Variants in CD200R1L observed in about 807,000 individuals in gnomAD.
CD200R1L encodes cell surface glycoprotein CD200 receptor 2.
A neutral mutation model predicts 24.8 loss-of-function variants in CD200R1L; 14 were observed. The observed-to-expected ratio is 0.56, with a 90% CI of 0.37 to 0.88. The LOEUF is 0.88. CD200R1L is among the 40% of genes least tolerant of loss of function. CD200R1L has a pLI of 0.00. For missense variants in CD200R1L, 299 were observed against 297.8 expected (o/e 1.00, Z -0.03); for synonymous variants, 111 against 109.2 (o/e 1.02, Z -0.11).
chr3:112,819,717 A>C, intron 7 of CD200R1L, 55 bp downstream of exon 7: 2 of 1,471,334 alleles, frequency 1.4e-6, no homozygotes, highest in Non-Finnish European at 1.8e-6. Flanking sequence ...AAAATGTTAC[A>C]ATGATACTTT....
At chr3:112,819,726 T>G in intron 7 of CD200R1L, 46 bp downstream of exon 7, 1 of 1,366,870 alleles carries the variant, frequency 7.3e-7, no homozygotes, top group Non-Finnish European at 9.5e-7. Context: ...CAATGATACT[T>G]TTTTTTTTCT....
At chr3:112,841,007 T>TC (rs1216532716) in intron 2 of CD200R1L, among the ~76,000 whole-genome samples, 14 of 152,314 alleles carry the variant, frequency 9.2e-5, no homozygotes, top group African/African-American at 3.4e-4. Context: ...TTAATCCCAA[T>TC]CAGGGATCCG....
At chr3:112,837,824 A>G (rs150452513) in intron 3 of CD200R1L, 118 bp downstream of exon 3, 1 of 216,204 alleles carries the variant, frequency 4.6e-6, no homozygotes, top group Non-Finnish European at 8.8e-6. Context: ...GTCTTCAAGC[A>G]ATAGTGTGCA....
chr3:112,824,035 G>C (rs1576087784), intron 6 of CD200R1L, among the ~76,000 whole-genome samples: 1 of 152,284 alleles, frequency 6.6e-6, no homozygotes, highest in East Asian at 1.9e-4. Flanking sequence ...AACAGTAGAG[G>C]AGATAAATTG....
intron 3 of CD200R1L, among the ~76,000 whole-genome samples, chr3:112,831,990 CATT>C (rs1218633611): frequency 6.6e-6 from 1 of 152,032 alleles, no homozygotes; most frequent in African/African-American, 2.4e-5. Context: ...ACTGTATTAT[CATT>C]ATTATTATTA....
At chr3:112,825,317 T>C (rs555064010) in intron 6 of CD200R1L, among the ~76,000 whole-genome samples, 1 of 150,908 alleles carries the variant, frequency 6.6e-6, no homozygotes, top group Non-Finnish European at 1.5e-5. Context: ...TTAACACTTT[T>C]GAAGAGCCCA....
At chr3:112,829,586 A>G (rs1938747354) in intron 3 of CD200R1L, 3 of 907,252 alleles carry the variant, frequency 3.3e-6, no homozygotes, top group Non-Finnish European at 4.0e-6. Context: ...AATTATACTT[A>G]TAAGCAATTG....
At chr3:112,829,824 G>A (rs1044533854) in intron 3 of CD200R1L, among the ~76,000 whole-genome samples, 2 of 152,164 alleles carry the variant, frequency 1.3e-5, no homozygotes, top group Non-Finnish European at 2.9e-5. Flanking sequence ...CTAAAAGAGT[G>A]AAAGAAATGA....
intron 3 of CD200R1L, among the ~76,000 whole-genome samples, chr3:112,830,284 T>C (rs576547913): frequency 2.7e-4 from 41 of 152,148 alleles, no homozygotes; most frequent in Non-Finnish European, 4.1e-4. Context: ...GAATGAATGT[T>C]GCAGTAATTC....
intron 2 of CD200R1L, 81 bp downstream of exon 2, chr3:112,845,598 A>G: frequency 3.6e-6 from 4 of 1,126,680 alleles, no homozygotes; most frequent in Non-Finnish European, 1.3e-6. Context: ...ACACCTTATA[A>G]GTAAGTAGAT....
At chr3:112,838,474 AAAC>A (rs1939010123) in intron 2 of CD200R1L, among the ~76,000 whole-genome samples, 2 of 92,824 alleles carry the variant, frequency 2.2e-5, no homozygotes, top group African/African-American at 9.6e-5. Context: ...TTTGCAAAAA[AAAC>A]AAACAAACAA....
chr3:112,830,941 G>A (rs1938782721), intron 3 of CD200R1L, among the ~76,000 whole-genome samples: 1 of 152,022 alleles, frequency 6.6e-6, no homozygotes, highest in Admixed American at 6.5e-5. Flanking sequence ...TTTGGAGAAA[G>A]GAGTATAATT....
At position 112,827,668 on chromosome 3, in the gene CD200R1L, A is replaced by T; in HGVS notation, c.66T>A (p.Pro22=). ...TIFAEGNISQ[P]VLMDINAVLC... ...GCACAGCATTTATATCCATCAGTAC[A>T]GGCTGTGAAATGTTACCTGGACACA... Residue 22 remains proline, a synonymous_variant, in exon 5 of 8, where the codon CCT becomes CCA. Transcript: ENST00000488794. The T allele has an allele frequency of 1.2e-6, 2 of 1,613,090 alleles. No homozygotes were observed. The highest frequency in any genetic ancestry group is 1.7e-6 in the Non-Finnish European group (2 of 1,179,544).
chr3:112,818,025 A>G (rs1030672813), intron 7 of CD200R1L, among the ~76,000 whole-genome samples: 5 of 152,232 alleles, frequency 3.3e-5, no homozygotes, highest in Non-Finnish European at 5.9e-5. Context: ...TATCATGAGA[A>G]TAGCACGGGA....
At chr3:112,840,481 G>A (rs1341707697) in intron 2 of CD200R1L, among the ~76,000 whole-genome samples, 3 of 152,260 alleles carry the variant, frequency 2.0e-5, no homozygotes, top group African/African-American at 4.8e-5. Context: ...CAGCACTGAG[G>A]TAATGGTGCT....
At position 112,837,958 on chromosome 3, in the gene CD200R1L, T is replaced by G. The variant is rs907699651; in HGVS notation, c.-34A>C. ...GCATTTTACCTTCATTAAGACGTAT[T>G]CTCTAACTTTGTATTTCCAGTTGTG... On this transcript the variant is annotated 5_prime_UTR_variant, in exon 3 of 8. Transcript: ENST00000488794. 8.1e-7 allele frequency: 1 copy of G among 1,236,984 alleles called. No homozygotes were observed. 76.6% of individuals were successfully genotyped at this position (1,236,984 alleles called of 1,614,324 possible).
chr3:112,820,468 T>C (rs1344536705), intron 6 of CD200R1L, among the ~76,000 whole-genome samples: 1 of 152,114 alleles, frequency 6.6e-6, no homozygotes, highest in Non-Finnish European at 1.5e-5. Flanking sequence ...TCTTGCATTG[T>C]CTCTCAGGCT....
intron 2 of CD200R1L, among the ~76,000 whole-genome samples, chr3:112,841,850 G>A (rs1939090370): frequency 6.6e-6 from 1 of 152,178 alleles, no homozygotes; most frequent in South Asian, 2.1e-4. Flanking sequence ...CAGGGTTCAA[G>A]CACACCACCC....
intron 3 of CD200R1L, among the ~76,000 whole-genome samples, chr3:112,832,135 T>C (rs1938817478): frequency 6.6e-6 from 1 of 152,200 alleles, no homozygotes; most frequent in African/African-American, 2.4e-5. Context: ...TGACCATGTG[T>C]TTAGGTAACC....
Sources: gnomAD v4.1 joint callset for allele counts (sites outside exome capture counted in the v4.1 genomes callset) on GRCh38, gnomAD v4.1.1 for gene constraint, MANE v1.5 for transcripts, NCBI Gene and HGNC (gene_info 2026-07-23, HGNC 2026-07-21) for gene names.